The following OTUD5 variants were observed in gnomAD, a reference collection of about 807,000 sequenced individuals.
The protein encoded by OTUD5 is OTU deubiquitinase 5.
In OTUD5, 2 loss-of-function variants were observed where a neutral mutation model predicts 36.3. The ratio of observed to expected loss-of-function variants is 0.06; its 90% CI spans 0.02 to 0.17. OTUD5 has a LOEUF of 0.17. OTUD5 is among the 10% of genes least tolerant of loss of function. OTUD5 has a pLI of 1.00. For synonymous variants in OTUD5, 234 were observed against 214.9 expected (o/e 1.09, Z -0.78); for missense variants, 233 against 512.3 (o/e 0.45, Z 5.26).
intron 1 of OTUD5, 129 bp downstream of exon 1, chrX:48,956,845 AGAG>A: frequency 1.4e-6 from 1 of 699,369 alleles, no homozygotes; most frequent in Non-Finnish European, 2.0e-6. Flanking sequence ...CCCTACCGCC[AGAG>A]AAGACTGTCA....
intron 5 of OTUD5, among the ~76,000 whole-genome samples, chrX:48,934,018 G>C (rs927070871): frequency 1.8e-5 from 2 of 111,875 alleles, no homozygotes; most frequent in African/African-American, 6.5e-5. Context: ...GGTGCTTTCT[G>C]TATCAGCCAA....
At chrX:48,923,794 A>AGGACCCG in intron 7 of OTUD5, 48 bp from the exon 8 acceptor site, 1 of 1,178,978 alleles carries the variant, frequency 8.5e-7, no homozygotes. Context: ...TCCAGGACCC[A>AGGACCCG]GGACCCAGGA....
intron 1 of OTUD5, among the ~76,000 whole-genome samples, chrX:48,949,324 G>T (rs1350546830): frequency 8.9e-6 from 1 of 112,097 alleles, no homozygotes; most frequent in African/African-American, 3.2e-5. Flanking sequence ...AAGGCAGGCA[G>T]ATCGCTTTGA....
Position 48,957,495 on chromosome X carries a change from TCGGCCCGGGCGG to T in OTUD5, c.64_75del (p.Pro22_Pro25del). On this transcript the variant is annotated inframe_deletion, in exon 1 of 9. Transcript: ENST00000376488. ...CCGCCGCGCCGCGGCGCCGGGGGCA[TCGGCCCGGGCGG>T]CGGCGGCTCGTTGGCGGGGTCGGCG... 1.2e-6 allele frequency: 1 copy of T among 829,370 alleles called. No individual in the cohort carries two copies. Among genetic ancestry groups the T allele is most frequent in the Non-Finnish European group, 1.5e-6 (1 of 680,514 alleles). The allele number at this position is 829,370 out of a possible 1,213,427, so 68.3% of individuals were successfully genotyped here. A position where few individuals can be genotyped will look rare whatever the true frequency, so the allele number is the denominator to read the frequency against.
intron 1 of OTUD5, among the ~76,000 whole-genome samples, chrX:48,953,881 C>T (rs1602435578): frequency 9.0e-6 from 1 of 110,889 alleles, no homozygotes; most frequent in Admixed American, 9.6e-5. Context: ...CCCTCAACGA[C>T]GCCTCTCTTC....
intron 1 of OTUD5, among the ~76,000 whole-genome samples, chrX:48,951,384 G>C (rs782628213): frequency 1.1e-4 from 12 of 111,870 alleles, no homozygotes; most frequent in Admixed American, 8.5e-4. Context: ...GGAGGCCGAG[G>C]TGGGCGGATC....
At chrX:48,934,069 A>G (rs2063796014) in intron 5 of OTUD5, among the ~76,000 whole-genome samples, 1 of 111,903 alleles carries the variant, frequency 8.9e-6, no homozygotes, top group South Asian at 3.7e-4. Context: ...CCTAGATCAC[A>G]CAGCCAGTGA....
At chrX:48,946,864 G>A (rs1557052536) in intron 1 of OTUD5, among the ~76,000 whole-genome samples, 1 of 112,330 alleles carries the variant, frequency 8.9e-6, no homozygotes, top group African/African-American at 3.2e-5. Flanking sequence ...GAGGAGAAAA[G>A]GAGATCAAAC....
Position 48,957,079 on chromosome X carries a change from G to A in OTUD5, c.492C>T (p.Gly164=), listed in dbSNP as rs782545161. 1.4e-5 allele frequency: 16 copies of A among 1,181,397 alleles called. No homozygotes were observed. The East Asian group carries it at 3.8e-4, about 28-fold the overall frequency. ...CGCCGACCTCCTCACGCTCGGGACT[G>A]CCCCCGCCAACCGCGCCAACCCCGG... ...QAPGVGAVGG[G]SPEREEVGAG... is the part of the protein sequence containing the mutation. Residue 164 remains glycine (G), a synonymous_variant, in exon 1 of 9, where the codon GGC becomes GGT. Transcript: ENST00000376488.
intron 5 of OTUD5, among the ~76,000 whole-genome samples, chrX:48,929,681 A>T (rs947767815): frequency 6.3e-5 from 7 of 110,870 alleles, no homozygotes; most frequent in Admixed American, 2.9e-4. Flanking sequence ...AGATCATCGC[A>T]CCACTGCACT....
intron 1 of OTUD5, among the ~76,000 whole-genome samples, chrX:48,949,352 T>G (rs1557053169): frequency 9.0e-6 from 1 of 111,505 alleles, no homozygotes; most frequent in African/African-American, 3.3e-5. Flanking sequence ...AGTTCAAGAC[T>G]AGCCTGGGCA....
intron 5 of OTUD5, among the ~76,000 whole-genome samples, chrX:48,931,776 C>CT (rs1213081265): frequency 2.1e-5 from 2 of 95,136 alleles, no homozygotes; most frequent in Non-Finnish European, 4.2e-5. Context: ...GAAACTCTGC[C>CT]TTAAAAAAAA....
intron 1 of OTUD5, among the ~76,000 whole-genome samples, chrX:48,951,622 A>AC (rs1557053984): frequency 1.7e-4 from 19 of 110,497 alleles, no homozygotes; most frequent in African/African-American, 5.9e-4. Context: ...CTCAAAAAAA[A>AC]ACACACACAG....
chrX:48,938,910 G>A (rs916205972), intron 2 of OTUD5, among the ~76,000 whole-genome samples: 3 of 110,729 alleles, frequency 2.7e-5, no homozygotes, highest in Admixed American at 9.6e-5. Flanking sequence ...TGCTGACGCT[G>A]CACTTGTGGG....
intron 1 of OTUD5, 30 bp from the exon 2 acceptor site, chrX:48,944,313 G>A (rs782779725): frequency 2.1e-5 from 21 of 1,007,979 alleles, no homozygotes; most frequent in South Asian, 9.8e-5. Context: ...GTCAGCAACA[G>A]GGAAAACCTG....
Position 48,934,620 on chromosome X carries a change from G to GA in OTUD5, c.911-9dup. 2.5e-6 allele frequency: 3 copies of GA among 1,210,587 alleles called. No homozygotes were observed. Among genetic ancestry groups the GA allele is most frequent in the Non-Finnish European group, 3.4e-6 (3 of 894,754 alleles). ...GGAATGTGTTGATGGGTTCTGCAGA[G>GA]AAAGAGAAGGAGGGAGCATCCACAG... On this transcript the variant is annotated splice_polypyrimidine_tract_variant and intron_variant, in intron 4 of 8. Coordinates refer to ENST00000376488, the MANE Select transcript of OTUD5 (RefSeq NM_001136157.2).
chrX:48,944,882 C>T (rs978011804), intron 1 of OTUD5, among the ~76,000 whole-genome samples: 4 of 110,988 alleles, frequency 3.6e-5, no homozygotes, highest in African/African-American at 1.3e-4. Flanking sequence ...AGTAGTCAGG[C>T]GTGGTGGTGC....
At chrX:48,956,859 G>A (rs1314858578) in intron 1 of OTUD5, 118 bp downstream of exon 1, 1 of 774,841 alleles carries the variant, frequency 1.3e-6, no homozygotes, top group Non-Finnish European at 1.7e-6. Context: ...AAGACTGTCA[G>A]GCCCAGTGAA....
Position 48,922,760 on chromosome X carries a change from G to A in OTUD5, c.*414C>T. 1 of 765,166 alleles carries A rather than the reference G, an allele frequency of 1.3e-6. No individual in the cohort carries two copies. Among genetic ancestry groups the A allele is most frequent in the East Asian group, 1.4e-4 (1 of 7,154 alleles). 63.1% of individuals were successfully genotyped at this position (765,166 alleles called of 1,213,427 possible). A position where few individuals can be genotyped will look rare whatever the true frequency, so the allele number is the denominator to read the frequency against. ...CACCTCCCTGGCATCAGTGTCGGGG[G>A]GTGGCGGCAAGTTTTTCTCATCTTG... On this transcript the variant is annotated 3_prime_UTR_variant, in exon 9 of 9. Transcript: ENST00000376488.
Sources: allele counts gnomAD v4.1 joint callset (sites outside exome capture counted in the v4.1 genomes callset), GRCh38; gene constraint gnomAD v4.1.1; transcripts MANE v1.5; gene names NCBI Gene and HGNC (gene_info 2026-07-23, HGNC 2026-07-21).